RGS22: variants seen among roughly 807,000 people sequenced by gnomAD.
RGS22 encodes the protein regulator of G-protein signaling 22.
A neutral mutation model predicts 172.9 loss-of-function variants in RGS22; 148 were observed. The observed-to-expected ratio is 0.86, with a 90% confidence interval of 0.75 to 0.98. The LOEUF is 0.98. RGS22 is among the 50% of genes least tolerant of loss of function. The pLI, the probability that RGS22 is intolerant of heterozygous loss-of-function variation, is 0.00. For missense variants in RGS22, 1,347 were observed against 1,440.8 expected, an observed-to-expected ratio of 0.93 and a Z score of 1.05; for synonymous variants, 458 against 480.2, an observed-to-expected ratio of 0.95 and a Z score of 0.60.
Position 100,041,902 on chromosome 8 carries a change from G to T in RGS22, c.1838C>A (p.Ser613Ter). 6.2e-7 allele frequency: 1 copy of T among 1,608,822 alleles called. No homozygotes were observed. Among genetic ancestry groups the T allele is most frequent in the South Asian group, 1.1e-5 (1 of 90,860 alleles). ...TAAATGAATGACTTTGCTGCTTTCT[G>T]ACATGTACTTTGACCTAAATTATAA... ...DVIEKGSKYM[S>*]ESSKVIHLTS... The change falls in exon 12 of 28, where the codon TCA becomes TAA. Residue 613 changes from serine to a stop codon, truncating the protein, a stop_gained. Transcript: ENST00000360863. LOFTEE classifies it high-confidence loss of function.
At chr8:100,104,362 ATTTT>A (rs112962010) in intron 2 of RGS22, among the ~76,000 whole-genome samples, 3 of 79,508 alleles carry the variant, frequency 3.8e-5, no homozygotes, top group Non-Finnish European at 9.3e-5. Flanking sequence ...GTGTGTGTGT[ATTTT>A]TTTTTTTCTT....
intron 2 of RGS22, among the ~76,000 whole-genome samples, chr8:100,098,490 C>T (rs1189237090): frequency 6.6e-6 from 1 of 152,146 alleles, no homozygotes; most frequent in Non-Finnish European, 1.5e-5. Flanking sequence ...ACCAAAAGCC[C>T]GCATATCAGA....
chr8:100,023,462 G>A (rs1266349422), intron 14 of RGS22, among the ~76,000 whole-genome samples: 1 of 152,132 alleles, frequency 6.6e-6, no homozygotes, highest in Non-Finnish European at 1.5e-5. Context: ...TCACTCTGTT[G>A]CCAATGCCAG....
Position 100,105,989 on chromosome 8 carries a change from G to C in RGS22, c.-68C>G. 3 of 1,312,388 alleles carry C rather than the reference G, an allele frequency of 2.3e-6. No homozygotes were observed. The highest frequency in any genetic ancestry group is 1.6e-5 in the African/African-American group (1 of 64,016). The allele number at this position is 1,312,388 out of a possible 1,614,324, so 81.3% of individuals were successfully genotyped here. A position where few individuals can be genotyped will look rare whatever the true frequency, so the allele number is the denominator to read the frequency against. On this transcript the variant is annotated 5_prime_UTR_variant, in exon 1 of 28. Coordinates refer to ENST00000360863, the MANE Select transcript of RGS22 (RefSeq NM_015668.5). The stretch of plus-strand genomic sequence containing the variant: ...GGGCCCTAGCGCGCGGGTCCAGCGC[G>C]GGTCAGGGCCTGAGCGACGCGGCGA...
chr8:100,038,555 T>A (rs577657401), intron 14 of RGS22: 1 of 162,910 alleles, frequency 6.1e-6, no homozygotes, highest in African/African-American at 2.4e-5. Context: ...GAGAGCAACA[T>A]TGGTCAATGT....
chr8:100,083,461 G>T (rs1421016430), intron 3 of RGS22, among the ~76,000 whole-genome samples: 1 of 151,988 alleles, frequency 6.6e-6, no homozygotes, highest in African/African-American at 2.4e-5. Context: ...TCTGCCTCCT[G>T]GGTTCAAGCG....
chr8:100,020,988 G>T (rs1472003003), intron 14 of RGS22, among the ~76,000 whole-genome samples: 3 of 152,174 alleles, frequency 2.0e-5, no homozygotes, highest in Non-Finnish European at 2.9e-5. Context: ...TATACCCAGA[G>T]ATCAGCAAAT....
chr8:100,000,136 A>C (rs920059918), intron 18 of RGS22, among the ~76,000 whole-genome samples: 2 of 152,184 alleles, frequency 1.3e-5, no homozygotes, highest in African/African-American at 4.8e-5. Flanking sequence ...CAAGCTACTA[A>C]TAGCTTTTTC....
Position 100,077,186 on chromosome 8 carries a change from T to A in RGS22, c.339+2948A>T, listed in dbSNP as rs147303475. Among the ~76,000 whole-genome samples, 18 of 152,270 alleles carry A rather than the reference T, an allele frequency of 1.2e-4. No individual in the cohort carries two copies. The East Asian group carries it at 3.5e-3, about 29-fold the overall frequency. On this transcript the variant is annotated intron_variant, in intron 4 of 27. Coordinates refer to ENST00000360863, the MANE Select transcript of RGS22 (RefSeq NM_015668.5). ...TCTGGCTAAAAGGTTATCAATTTCA[T>A]TGATTTTTTCAAAAAACAAGGCTTT...
chr8:100,045,428 C>G (rs1049464982), intron 11 of RGS22, among the ~76,000 whole-genome samples: 1 of 152,106 alleles, frequency 6.6e-6, no homozygotes, highest in African/African-American at 2.4e-5. Context: ...GCTTTTCCTC[C>G]TTCTGAGAAT....
intron 2 of RGS22, among the ~76,000 whole-genome samples, chr8:100,098,927 T>TTTTATTTA (rs1813248035): frequency 4.7e-5 from 6 of 127,760 alleles, no homozygotes; most frequent in African/African-American, 2.1e-4. Flanking sequence ...TTTTATTTTA[T>TTTTATTTA]TTATTTTTTA....
intron 3 of RGS22, among the ~76,000 whole-genome samples, chr8:100,082,890 A>G (rs1811868034): frequency 6.6e-6 from 1 of 152,226 alleles, no homozygotes; most frequent in South Asian, 2.1e-4. Flanking sequence ...ATGAAGCAAC[A>G]TGGTGTATGT....
In RGS22 at chr8:100,051,586, CAT is replaced by C. The variant is rs1491587673; in HGVS notation, c.1689+1214_1689+1215del. ...AAATATATATTTATATATGTTTATACATATATAAATATATATTTATATATGTT... is the reference window on the plus strand; with the variant it reads ...AAATATATATTTATATATGTTTATACATATAAATATATATTTATATATGTT... On this transcript the variant is annotated intron_variant, in intron 10 of 27. Transcript: ENST00000360863. Among the ~76,000 whole-genome samples the C allele has an allele frequency of 5.4e-5, 3 of 55,842 alleles. 1 individual carries two copies. Among genetic ancestry groups the C allele is most frequent in the Non-Finnish European group, 8.8e-5 (3 of 34,064 alleles). The allele number at this position is 55,842 out of a possible 152,430, so 36.6% of individuals were successfully genotyped here.
chr8:99,987,431 G>A, intron 21 of RGS22, 27 bp downstream of exon 21: 1 of 1,517,394 alleles, frequency 6.6e-7, no homozygotes, highest in African/African-American at 1.4e-5. Flanking sequence ...CAAAACAGGT[G>A]GTTTTCTCTA....
At chr8:99,994,574 T>C (rs1258908635) in intron 20 of RGS22, among the ~76,000 whole-genome samples, 1 of 152,098 alleles carries the variant, frequency 6.6e-6, no homozygotes, top group Non-Finnish European at 1.5e-5. Flanking sequence ...GAAGGACCTC[T>C]TCAAGGAGAA....
intron 14 of RGS22, 98 bp from the exon 15 acceptor site, chr8:100,008,667 C>T: frequency 1.3e-6 from 1 of 797,842 alleles, no homozygotes; most frequent in Non-Finnish European, 2.0e-6. Flanking sequence ...TAAGAGAAGG[C>T]AAATAAGCCC....
chr8:100,015,872 G>A (rs959665587), intron 14 of RGS22, among the ~76,000 whole-genome samples: 4 of 152,114 alleles, frequency 2.6e-5, no homozygotes, highest in African/African-American at 7.2e-5. Flanking sequence ...CTCTAGCCAC[G>A]GGGATTCATG....
At chr8:100,101,965 G>T (rs928763791) in intron 2 of RGS22, among the ~76,000 whole-genome samples, 5 of 152,002 alleles carry the variant, frequency 3.3e-5, no homozygotes, top group African/African-American at 1.2e-4. Flanking sequence ...AAGGCATTGT[G>T]GCTTCCCAAA....
At chr8:100,044,454 C>A (rs1820498208) in intron 11 of RGS22, among the ~76,000 whole-genome samples, 1 of 152,156 alleles carries the variant, frequency 6.6e-6, no homozygotes, top group African/African-American at 2.4e-5. Flanking sequence ...ACCATGTTGG[C>A]CAGGCTGGCC....
Sources: allele counts gnomAD v4.1 joint callset (sites outside exome capture counted in the v4.1 genomes callset), GRCh38; gene constraint gnomAD v4.1.1; transcripts MANE v1.5; gene names NCBI Gene and HGNC (gene_info 2026-07-23, HGNC 2026-07-21).